ABI3BP: variants seen among roughly 807,000 people sequenced by gnomAD.
The protein encoded by ABI3BP is target of Nesh-SH3.
ABI3BP carries 216 observed loss-of-function variants against 268.6 expected under a neutral mutation model. That is an observed-to-expected ratio of 0.80 (90% CI 0.72 to 0.90). The LOEUF is 0.90. Among genes scored for constraint, ABI3BP ranks in the 40% least tolerant of loss-of-function variants. The pLI is 0.00. For synonymous variants in ABI3BP, 730 were observed against 730.0 expected (o/e 1.00, Z 0.00); for missense variants, 2,090 against 2,182.4 (o/e 0.96, Z 0.84).
chr3:100,818,644 A>G, intron 40 of ABI3BP, 63 bp from the exon 41 acceptor site: 2 of 1,279,168 alleles, frequency 1.6e-6, no homozygotes, highest in South Asian at 2.5e-5. Flanking sequence ...CCATTATAAT[A>G]CTGCTTCAAT....
chr3:100,928,922 C>T (rs2062734327), intron 1 of ABI3BP, among the ~76,000 whole-genome samples: 1 of 152,030 alleles, frequency 6.6e-6, no homozygotes, highest in African/African-American at 2.4e-5. Flanking sequence ...TTTGTGTGAA[C>T]TTTGCCAGGT....
At chr3:100,871,684 C>T (rs1158179690) in intron 9 of ABI3BP, among the ~76,000 whole-genome samples, 1 of 152,218 alleles carries the variant, frequency 6.6e-6, no homozygotes, top group Non-Finnish European at 1.5e-5. Context: ...GAATGTGAGG[C>T]TTCCCCAGCC....
intron 63 of ABI3BP, among the ~76,000 whole-genome samples, chr3:100,760,931 G>A (rs113185016): frequency 0.031 from 4,765 of 151,898 alleles, 231 homozygotes; most frequent in African/African-American, 0.11. Context: ...GGTTTGTTAT[G>A]TAGGTAAACT....
At chr3:100,904,388 T>G (rs1012399390) in intron 2 of ABI3BP, among the ~76,000 whole-genome samples, 1 of 152,036 alleles carries the variant, frequency 6.6e-6, no homozygotes, top group East Asian at 1.9e-4. Context: ...TGCATGTGAG[T>G]GGGGGAAACA....
intron 20 of ABI3BP, among the ~76,000 whole-genome samples, chr3:100,842,649 T>C (rs1210946787): frequency 1.3e-5 from 2 of 152,290 alleles, no homozygotes; most frequent in Non-Finnish European, 2.9e-5. Context: ...TCAGATTTCA[T>C]AAGATGCTAA....
chr3:100,953,576 T>C lies in ABI3BP; in HGVS notation c.80-27095A>G, dbSNP rs562289761. On this transcript the variant is annotated intron_variant, in intron 1 of 67. Coordinates refer to ENST00000471714, the MANE Select transcript of ABI3BP (RefSeq NM_001375547.2). ...AAAATAAGGATTTTTCTGAGGCATG[T>C]AAGAAGATACTGTTAGAAACACTTC... 3.3e-5 allele frequency among the ~76,000 whole-genome samples: 5 copies of C among 151,656 alleles called. No homozygotes were observed. In the Middle Eastern group the frequency reaches 0.017, roughly 519 times the overall value.
intron 42 of ABI3BP, among the ~76,000 whole-genome samples, chr3:100,817,021 T>C (rs2098073168): frequency 6.6e-6 from 1 of 152,182 alleles, no homozygotes; most frequent in Non-Finnish European, 1.5e-5. Flanking sequence ...CTCTGGATGA[T>C]AGAGTCTCAG....
intron 39 of ABI3BP, 64 bp downstream of exon 39, chr3:100,820,990 A>G: frequency 7.5e-7 from 1 of 1,331,154 alleles, no homozygotes; most frequent in Non-Finnish European, 1.0e-6. Context: ...TGCGGCTATG[A>G]TGATGGAATG....
chr3:100,887,383 A>G (rs980050475), intron 4 of ABI3BP, among the ~76,000 whole-genome samples: 1 of 152,134 alleles, frequency 6.6e-6, no homozygotes, highest in African/African-American at 2.4e-5. Flanking sequence ...ATTCAGACGT[A>G]TGAAATATGT....
intron 58 of ABI3BP, among the ~76,000 whole-genome samples, chr3:100,779,208 G>C (rs2096796208): frequency 1.3e-5 from 2 of 152,186 alleles, no homozygotes; most frequent in African/African-American, 4.8e-5. Context: ...GCTGAAACAA[G>C]TCTGTATCTG....
rs199785836 is a variant in ABI3BP, at chr3:100,886,437, GC to G, written c.462-115del. 2,041 of 707,410 alleles carry G rather than the reference GC, an allele frequency of 2.9e-3. 28 individuals are homozygous for G. In the African/African-American group the frequency reaches 0.034, roughly 12 times the overall value. The allele number at this position is 707,410 out of a possible 1,614,324, so 43.8% of individuals were successfully genotyped here. A position where few individuals can be genotyped will look rare whatever the true frequency, so the allele number is the denominator to read the frequency against. The stretch of plus-strand genomic sequence containing the variant: ...CAACTTGGGATACTATTTAATATTG[GC>G]TTCTCTTCCGATTTTTAAAAAATTT... On this transcript the variant is annotated intron_variant, in intron 4 of 67. Transcript: ENST00000471714.
intron 67 of ABI3BP, among the ~76,000 whole-genome samples, chr3:100,750,922 G>A (rs1351521252): frequency 3.9e-5 from 6 of 152,110 alleles, no homozygotes; most frequent in Non-Finnish European, 8.8e-5. Flanking sequence ...GTATTTTTAA[G>A]TGCCCGTGAA....
At chr3:100,859,421 G>A (rs1409187547) in intron 14 of ABI3BP, among the ~76,000 whole-genome samples, 2 of 152,184 alleles carry the variant, frequency 1.3e-5, no homozygotes, top group Middle Eastern at 3.4e-3. Flanking sequence ...ACTAAAAATG[G>A]GATTCATGGT....
At chr3:100,851,781 G>T in intron 15 of ABI3BP, 94 bp downstream of exon 15, 2 of 1,047,452 alleles carry the variant, frequency 1.9e-6, no homozygotes, top group Non-Finnish European at 2.8e-6. Context: ...GAGCTCCAGA[G>T]GATACAATTT....
In ABI3BP at chr3:100,822,638, A is replaced by G; in HGVS notation, c.2838T>C (p.Arg946=). ...GACGTGGTGTGGTTTTTGTTCTGAG[A>G]CGTGGACGACGTGTCCGTTGTGATG... ...SKTSQRTRRP[R]LRTKTTPRPE... The change falls in exon 38 of 68, where the codon CGT becomes CGC. Residue 946 remains arginine (R), a synonymous_variant. Coordinates refer to ENST00000471714, the MANE Select transcript of ABI3BP (RefSeq NM_001375547.2). 1.3e-6 allele frequency: 2 copies of G among 1,536,574 alleles called. No homozygotes were observed. Among genetic ancestry groups the G allele is most frequent in the Non-Finnish European group, 1.7e-6 (2 of 1,146,972 alleles).
intron 41 of ABI3BP, among the ~76,000 whole-genome samples, chr3:100,817,871 C>G (rs1054037906): frequency 2.2e-4 from 34 of 152,102 alleles, no homozygotes; most frequent in African/African-American, 8.0e-4. Context: ...TAACTACTGT[C>G]TAAGTAACTA....
chr3:100,894,954 A>AAAAAAAAAAAAAAAAG (rs2046779450), intron 4 of ABI3BP, among the ~76,000 whole-genome samples: 1 of 132,934 alleles, frequency 7.5e-6, no homozygotes, highest in African/African-American at 2.6e-5. Flanking sequence ...AAAAAAAAAA[A>AAAAAAAAAAAAAAAAG]AAAAAAAAAA....
Position 100,752,795 on chromosome 3 carries a change from G to A in ABI3BP, c.5114C>T (p.Ser1705Phe), listed in dbSNP as rs754137896. 6.2e-7 allele frequency: 1 copy of A among 1,612,750 alleles called. No homozygotes were observed. The highest frequency in any genetic ancestry group is 8.5e-7 in the Non-Finnish European group (1 of 1,179,578). Residue 1705 changes from serine (S) to phenylalanine (F), a missense_variant, in exon 66 of 68, where the codon TCC becomes TTC. Physicochemically the swap from Ser to Phe is radical, Grantham distance 155. Transcript: ENST00000471714. ...CTGGTAGCTCTGCTTACCTGTGAGGGAGTCGCTCAAGTAAATCTTGTATCT... is the reference window on the plus strand; with the variant it reads ...CTGGTAGCTCTGCTTACCTGTGAGGAAGTCGCTCAAGTAAATCTTGTATCT... ...SLRYKIYLSD[S>F]LTGKFYNIGD... is the part of the protein sequence containing the mutation.
chr3:100,753,504 C>G (rs1324463498), intron 65 of ABI3BP, among the ~76,000 whole-genome samples: 2 of 151,852 alleles, frequency 1.3e-5, no homozygotes, highest in Non-Finnish European at 2.9e-5. Flanking sequence ...CGTTGCCAGG[C>G]TGGTCTCCAG....
Sources: allele counts gnomAD v4.1 joint callset (sites outside exome capture counted in the v4.1 genomes callset), GRCh38; gene constraint gnomAD v4.1.1; transcripts MANE v1.5; gene names NCBI Gene and HGNC (gene_info 2026-07-23, HGNC 2026-07-21).